Variants in CACNA1D observed in about 807,000 individuals in gnomAD.
CACNA1D encodes the protein calcium voltage-gated channel subunit alpha1 D, also known as voltage-dependent L-type calcium channel subunit alpha-1D.
A neutral mutation model predicts 257.1 loss-of-function variants in CACNA1D; 55 were observed. The ratio of observed to expected loss-of-function variants is 0.21; its 90% CI spans 0.17 to 0.27. The LOEUF is 0.27. Among genes scored for constraint, CACNA1D ranks in the 10% least tolerant of loss-of-function variants. The probability of loss-of-function intolerance (pLI) is 1.00; values close to 1 mark genes in which losing one functional copy is unlikely to be tolerated. For missense variants in CACNA1D, 1,876 were observed against 2,784.0 expected, an observed-to-expected ratio of 0.67 and a Z score of 7.34; for synonymous variants, 980 against 1,014.9, an observed-to-expected ratio of 0.97 and a Z score of 0.65.
chr3:53,759,705 C>T (rs952523006), intron 29 of CACNA1D, among the ~76,000 whole-genome samples: 1 of 152,262 alleles, frequency 6.6e-6, no homozygotes, highest in African/African-American at 2.4e-5. Context: ...TGCCACCAGT[C>T]AGAGAACTGC....
At chr3:53,592,521 T>A (rs563265657) in intron 3 of CACNA1D, among the ~76,000 whole-genome samples, 2 of 152,302 alleles carry the variant, frequency 1.3e-5, no homozygotes, top group South Asian at 4.1e-4. Flanking sequence ...TTATCTGATT[T>A]GTCTAATGTC....
chr3:53,732,740 A>G, intron 18 of CACNA1D, 75 bp from the exon 19 acceptor site: 1 of 1,390,624 alleles, frequency 7.2e-7, no homozygotes. Flanking sequence ...CCAAATTTGC[A>G]TGTGAAATTA....
At chr3:53,557,685 T>C (rs1051518529) in intron 3 of CACNA1D, among the ~76,000 whole-genome samples, 2 of 152,210 alleles carry the variant, frequency 1.3e-5, no homozygotes, top group African/African-American at 2.4e-5. Context: ...TGGCCATACT[T>C]GACTCTATTT....
intron 20 of CACNA1D, among the ~76,000 whole-genome samples, chr3:53,737,985 G>A (rs906805829): frequency 3.9e-5 from 6 of 152,180 alleles, no homozygotes; most frequent in African/African-American, 1.4e-4. Context: ...CAGCTTACTC[G>A]GCACTGAGGA....
chr3:53,611,987 G>A (rs1328251351), intron 3 of CACNA1D, among the ~76,000 whole-genome samples: 1 of 151,934 alleles, frequency 6.6e-6, no homozygotes, highest in Non-Finnish European at 1.5e-5. Context: ...GCTGAACTCT[G>A]GTCTAGTCCA....
At chr3:53,724,656 C>T (rs975352577) in intron 14 of CACNA1D, among the ~76,000 whole-genome samples, 1 of 152,204 alleles carries the variant, frequency 6.6e-6, no homozygotes, top group South Asian at 2.1e-4. Flanking sequence ...AAACCCTCCT[C>T]CTTGGACAGG....
At chr3:53,802,272 A>C in intron 43 of CACNA1D, 99 bp downstream of exon 43, 5 of 986,230 alleles carry the variant, frequency 5.1e-6, no homozygotes, top group Non-Finnish European at 8.2e-6. Context: ...TCTTTGAGCC[A>C]GCCTATTAAA....
At chr3:53,575,703 C>T (rs766582998) in intron 3 of CACNA1D, among the ~76,000 whole-genome samples, 2 of 148,748 alleles carry the variant, frequency 1.3e-5, no homozygotes, top group Non-Finnish European at 3.0e-5. Context: ...TAAAGACATA[C>T]ACCAATTGGT....
chr3:53,667,835 G>T (rs947963370), intron 7 of CACNA1D, among the ~76,000 whole-genome samples: 32 of 144,458 alleles, frequency 2.2e-4, no homozygotes, highest in African/African-American at 8.0e-4. Flanking sequence ...GTGTGTGTGT[G>T]TATGCATGTG....
chr3:53,528,383 A>G (rs921729671), intron 3 of CACNA1D, among the ~76,000 whole-genome samples: 1 of 152,134 alleles, frequency 6.6e-6, no homozygotes, highest in Non-Finnish European at 1.5e-5. Context: ...TGTTCCATTG[A>G]CACATTTGTC....
intron 45 of CACNA1D, 38 bp from the exon 46 acceptor site, chr3:53,808,611 C>G: frequency 6.2e-7 from 1 of 1,603,010 alleles, no homozygotes; most frequent in South Asian, 1.1e-5. Context: ...CGGCAGAGAA[C>G]TTGCTTCACA....
intron 3 of CACNA1D, among the ~76,000 whole-genome samples, chr3:53,611,649 C>A (rs2093584714): frequency 2.0e-5 from 3 of 152,064 alleles, no homozygotes; most frequent in Non-Finnish European, 2.9e-5. Flanking sequence ...TGTATTAACC[C>A]AGTTGATCTT....
At chr3:53,541,854 C>T (rs1446578265) in intron 3 of CACNA1D, among the ~76,000 whole-genome samples, 1 of 152,062 alleles carries the variant, frequency 6.6e-6, no homozygotes, top group Non-Finnish European at 1.5e-5. Flanking sequence ...GGGTATTACT[C>T]CCTCCAGGAC....
At position 53,793,995 on chromosome 3, in the gene CACNA1D, T is replaced by G. The variant is rs1304112026; in HGVS notation, c.4924-6254T>G. Among the ~76,000 whole-genome samples, 1 of 152,204 alleles carries G rather than the reference T, an allele frequency of 6.6e-6. No individual in the cohort carries two copies. The highest frequency in any genetic ancestry group is 1.5e-5 in the Non-Finnish European group (1 of 68,032). On this transcript the variant is annotated intron_variant, in intron 40 of 47. Transcript: ENST00000350061. The surrounding 1 kb of genome is among the most constrained non-coding windows in gnomAD (Gnocchi z 4.1). ...ATAGAAGATGAGAGGCAGGCCAGTA[T>G]ACATTGTAGGGAGGCTCTTCTCAAA...
chr3:53,687,712 C>A (rs1164863898), intron 8 of CACNA1D, among the ~76,000 whole-genome samples: 1 of 152,108 alleles, frequency 6.6e-6, no homozygotes, highest in Non-Finnish European at 1.5e-5. Context: ...GGAGAAAATA[C>A]AACACTTACA....
At chr3:53,617,464 A>C (rs1370021990) in intron 3 of CACNA1D, among the ~76,000 whole-genome samples, 1 of 152,242 alleles carries the variant, frequency 6.6e-6, no homozygotes, top group Non-Finnish European at 1.5e-5. Flanking sequence ...TAGTATTTTC[A>C]GTTTCATAAA....
At chr3:53,497,552 AGC>A in intron 2 of CACNA1D, 91 bp downstream of exon 2, 2 of 1,316,434 alleles carry the variant, frequency 1.5e-6, no homozygotes, top group African/African-American at 1.4e-5. Flanking sequence ...ACAAAGCTGT[AGC>A]AGTCTGGAAT....
At chr3:53,506,310 G>C (rs2090843932) in intron 3 of CACNA1D, among the ~76,000 whole-genome samples, 1 of 152,162 alleles carries the variant, frequency 6.6e-6, no homozygotes. Context: ...CCTGTGCCCA[G>C]TCCAACTCTC....
In CACNA1D at chr3:53,800,562, C is replaced by G. The variant is rs2095531273; in HGVS notation, c.5040+197C>G. 1.5e-6 allele frequency: 1 copy of G among 656,336 alleles called. No homozygotes were observed. The allele number at this position is 656,336 out of a possible 1,614,324, so 40.7% of individuals were successfully genotyped here. The stretch of plus-strand genomic sequence containing the variant: ...AGCACCTCTTCTAGGGCCAGGCCAG[C>G]TCTTTCCCTGAGCTTACCCAGCTTC... On this transcript the variant is annotated intron_variant, in intron 41 of 47. Transcript: ENST00000350061. The surrounding 1 kb of genome is among the most constrained non-coding windows in gnomAD (Gnocchi z 4.3).
Sources: gnomAD v4.1 joint callset for allele counts (sites outside exome capture counted in the v4.1 genomes callset) on GRCh38, gnomAD v4.1.1 for gene constraint, Gnocchi (gnomAD v3.1) non-coding constraint, MANE v1.5 for transcripts, NCBI Gene and HGNC (gene_info 2026-07-23, HGNC 2026-07-21) for gene names.